BNC2: variants seen among roughly 807,000 people sequenced by gnomAD.
BNC2 encodes zinc finger protein basonuclin-2.
BNC2 carries 20 observed loss-of-function variants against 76.3 expected under a neutral mutation model. The ratio of observed to expected loss-of-function variants is 0.26; its 90% CI spans 0.18 to 0.38. The LOEUF (loss-of-function observed/expected upper bound fraction) is 0.38. Ranked by LOEUF, BNC2 falls within the 10% of genes least tolerant of loss-of-function variation. BNC2 has a pLI of 1.00. For missense variants in BNC2, 1,382 were observed against 1,399.8 expected, an observed-to-expected ratio of 0.99 and a Z score of 0.20; for synonymous variants, 582 against 514.8, an observed-to-expected ratio of 1.13 and a Z score of -1.77.
At chr9:16,505,673 A>G (rs552021446) in intron 5 of BNC2, among the ~76,000 whole-genome samples, 1 of 152,286 alleles carries the variant, frequency 6.6e-6, no homozygotes, top group Admixed American at 6.5e-5. Flanking sequence ...AATCAGAAAG[A>G]TTCTGAGTCC....
At chr9:16,475,320 G>A (rs777506025) in intron 5 of BNC2, among the ~76,000 whole-genome samples, 37 of 152,240 alleles carry the variant, frequency 2.4e-4, no homozygotes, top group Admixed American at 6.5e-4. Context: ...ACATGGCTAT[G>A]TTTTTTAAAA....
chr9:16,473,169 A>C (rs1821859927), intron 5 of BNC2: 1 of 152,232 alleles, frequency 6.6e-6, no homozygotes, highest in Non-Finnish European at 1.5e-5. Context: ...GGAACCTTAC[A>C]TCTCTGCAGA....
intron 3 of BNC2, among the ~76,000 whole-genome samples, chr9:16,628,567 G>T (rs879914991): frequency 6.6e-6 from 1 of 152,090 alleles, no homozygotes; most frequent in African/African-American, 2.4e-5. Context: ...GGGGAGGAAC[G>T]GCACAGGATC....
chr9:16,617,572 C>T (rs1319983778), intron 3 of BNC2, among the ~76,000 whole-genome samples: 2 of 147,736 alleles, frequency 1.4e-5, no homozygotes, highest in African/African-American at 5.0e-5. Flanking sequence ...AGCTTCTATA[C>T]AAGGCACATA....
At chr9:16,837,359 C>T (rs1349810406) in intron 1 of BNC2, among the ~76,000 whole-genome samples, 1 of 152,066 alleles carries the variant, frequency 6.6e-6, no homozygotes, top group Non-Finnish European at 1.5e-5. Context: ...CAAAAATTAG[C>T]CGAGCGTGGT....
At chr9:16,597,566 T>C (rs536622057) in intron 3 of BNC2, among the ~76,000 whole-genome samples, 2 of 152,244 alleles carry the variant, frequency 1.3e-5, no homozygotes, top group Admixed American at 6.5e-5. Flanking sequence ...TAGGTTACAA[T>C]AGAAATGTTT....
intron 5 of BNC2, among the ~76,000 whole-genome samples, chr9:16,524,803 G>A (rs1283145577): frequency 6.6e-6 from 1 of 152,198 alleles, no homozygotes; most frequent in Non-Finnish European, 1.5e-5. Context: ...GCCAGATGCA[G>A]TGGCTCATGC....
chr9:16,867,824 A>AAAAGATCAATTTGCTGGG (rs1173955414), intron 1 of BNC2: 1 of 152,158 alleles, frequency 6.6e-6, no homozygotes, highest in Non-Finnish European at 1.5e-5. Flanking sequence ...AAAATACAAG[A>AAAAGATCAATTTGCTGGG]AAAGATCAAT....
At chr9:16,700,879 C>A (rs1224789255) in intron 3 of BNC2, among the ~76,000 whole-genome samples, 1 of 152,134 alleles carries the variant, frequency 6.6e-6, no homozygotes, top group Non-Finnish European at 1.5e-5. Flanking sequence ...AGACATGAGA[C>A]TTTCTTGAAC....
chr9:16,558,104 TC>T (rs1240303915), intron 4 of BNC2, among the ~76,000 whole-genome samples: 2 of 152,200 alleles, frequency 1.3e-5, no homozygotes, highest in Non-Finnish European at 2.9e-5. Context: ...TGCCTCGGCC[TC>T]CCAAAGTGTT....
intron 1 of BNC2, among the ~76,000 whole-genome samples, chr9:16,851,759 A>G (rs775370134): frequency 6.6e-6 from 1 of 152,168 alleles, no homozygotes; most frequent in Non-Finnish European, 1.5e-5. Context: ...TGAAGGAAAA[A>G]GTTATTCAAA....
chr9:16,616,781 G>GAGGGAAGGAAGGAAGGA (rs1820711233), intron 3 of BNC2, among the ~76,000 whole-genome samples: 2 of 52,774 alleles, frequency 3.8e-5, no homozygotes, highest in East Asian at 7.6e-4. Context: ...GAGGGGAGGG[G>GAGGGAAGGAAGGAAGGA]AGGAAGGAGG....
chr9:16,785,677 C>T (rs943685002), intron 1 of BNC2, among the ~76,000 whole-genome samples: 1 of 151,454 alleles, frequency 6.6e-6, no homozygotes, highest in African/African-American at 2.4e-5. Flanking sequence ...GGATGAGCCA[C>T]CACGCCCAGC....
At chr9:16,463,517 C>G (rs1275561993) in intron 5 of BNC2, among the ~76,000 whole-genome samples, 1 of 149,202 alleles carries the variant, frequency 6.7e-6, no homozygotes, top group Non-Finnish European at 1.5e-5. Context: ...AGGATGGTCT[C>G]AATCTCCTGA....
At chr9:16,781,301 A>G (rs1321081668) in intron 1 of BNC2, among the ~76,000 whole-genome samples, 2 of 151,922 alleles carry the variant, frequency 1.3e-5, no homozygotes, top group African/African-American at 4.8e-5. Context: ...ACCTACAAAA[A>G]AAAGCAGGGG....
intron 5 of BNC2, among the ~76,000 whole-genome samples, chr9:16,450,355 C>T (rs540311733): frequency 1.3e-5 from 2 of 152,284 alleles, no homozygotes; most frequent in African/African-American, 4.8e-5. Flanking sequence ...AATCTGAAAT[C>T]TATGATTCTG....
intron 1 of BNC2, among the ~76,000 whole-genome samples, chr9:16,864,083 A>T (rs890324911): frequency 2.0e-5 from 3 of 152,186 alleles, no homozygotes; most frequent in Non-Finnish European, 2.9e-5. Flanking sequence ...TACTTATTTT[A>T]TTTATGATTT....
chr9:16,513,814 G>A (rs1822815860), intron 5 of BNC2, among the ~76,000 whole-genome samples: 1 of 152,096 alleles, frequency 6.6e-6, no homozygotes, highest in Non-Finnish European at 1.5e-5. Flanking sequence ...TAGAGCTACA[G>A]GTGAAATACT....
chr9:16,679,308 A>G (rs534462305), intron 3 of BNC2, among the ~76,000 whole-genome samples: 3 of 152,356 alleles, frequency 2.0e-5, no homozygotes, highest in East Asian at 3.9e-4. Flanking sequence ...AATTCATTAA[A>G]TAATATACCA....
Sources: allele counts gnomAD v4.1 joint callset (sites outside exome capture counted in the v4.1 genomes callset), GRCh38; gene constraint gnomAD v4.1.1; transcripts MANE v1.5; gene names NCBI Gene and HGNC (gene_info 2026-07-23, HGNC 2026-07-21).